The following RAI14 variants were observed in gnomAD, a reference collection of about 807,000 sequenced individuals.
The protein encoded by RAI14 is retinoic acid induced 14.
A neutral mutation model predicts 115.4 loss-of-function variants in RAI14; 45 were observed. The ratio of observed to expected loss-of-function variants is 0.39; its 90% CI spans 0.31 to 0.50. The LOEUF is 0.50. Among genes scored for constraint, RAI14 ranks in the 20% least tolerant of loss-of-function variants. The pLI is 0.85. For synonymous variants in RAI14, 371 were observed against 415.4 expected (o/e 0.89, Z 1.30); for missense variants, 939 against 1,131.2 (o/e 0.83, Z 2.44).
intron 3 of RAI14, among the ~76,000 whole-genome samples, chr5:34,778,837 G>C (rs960315035): frequency 6.6e-6 from 1 of 151,418 alleles, no homozygotes; most frequent in African/African-American, 2.4e-5. Context: ...GTCTTTGAAA[G>C]GAAAGCCCAC....
chr5:34,774,078 C>T (rs375071668), intron 3 of RAI14, among the ~76,000 whole-genome samples: 17 of 152,098 alleles, frequency 1.1e-4, no homozygotes, highest in Admixed American at 6.6e-4. Flanking sequence ...CAAGCCTGGG[C>T]GCAGTGGCCC....
intron 4 of RAI14, 63 bp downstream of exon 4, chr5:34,796,090 A>G (rs1753495131): frequency 2.3e-6 from 3 of 1,329,736 alleles, no homozygotes; most frequent in Non-Finnish European, 3.2e-6. Context: ...AAAAAGTAAT[A>G]CATATTCATT....
chr5:34,676,526 C>A (rs550827585), intron 1 of RAI14, among the ~76,000 whole-genome samples: 19 of 152,008 alleles, frequency 1.2e-4, no homozygotes, highest in Non-Finnish European at 2.6e-4. Context: ...CAGGAGGTAA[C>A]CTTGGGACTT....
intron 2 of RAI14, among the ~76,000 whole-genome samples, chr5:34,721,585 A>C (rs1742762102): frequency 1.3e-5 from 2 of 152,134 alleles, no homozygotes; most frequent in African/African-American, 2.4e-5. Context: ...GATATTGTTC[A>C]TGTGGCAAAT....
In RAI14 at chr5:34,709,404, T is replaced by C. The variant is rs143000199; in HGVS notation, c.36+22449T>C. On this transcript the variant is annotated intron_variant, in intron 2 of 17. Coordinates refer to ENST00000265109, the MANE Select transcript of RAI14 (RefSeq NM_015577.3). Reference sequence around the variant, plus strand: ...CGGAGGTTGCAGTGAGCTGAGATCATGCCACTGCACTCCAGCCTGGGCCAC... The same window carrying C: ...CGGAGGTTGCAGTGAGCTGAGATCACGCCACTGCACTCCAGCCTGGGCCAC... Among the ~76,000 whole-genome samples the C allele has an allele frequency of 4.0e-3, 602 of 152,254 alleles. 9 individuals are homozygous for C. The highest frequency in any genetic ancestry group is 0.014 in the African/African-American group (575 of 41,556).
intron 3 of RAI14, among the ~76,000 whole-genome samples, chr5:34,784,752 G>A (rs1477841134): frequency 1.3e-5 from 2 of 152,190 alleles, no homozygotes; most frequent in Non-Finnish European, 2.9e-5. Context: ...TTATAGACTT[G>A]CTTTTCGATT....
At chr5:34,668,178 G>A (rs1388453340) in intron 1 of RAI14, among the ~76,000 whole-genome samples, 1 of 152,150 alleles carries the variant, frequency 6.6e-6, no homozygotes, top group Non-Finnish European at 1.5e-5. Context: ...TGGATCACTT[G>A]AGGTCAGGAG....
At chr5:34,761,299 G>T (rs564455148) in intron 3 of RAI14, among the ~76,000 whole-genome samples, 1 of 152,324 alleles carries the variant, frequency 6.6e-6, no homozygotes, top group South Asian at 2.1e-4. Flanking sequence ...TGATCCTCCT[G>T]CCTCAGCCTC....
intron 2 of RAI14, among the ~76,000 whole-genome samples, chr5:34,740,696 C>T (rs1380200555): frequency 2.6e-5 from 4 of 152,152 alleles, no homozygotes; most frequent in Non-Finnish European, 5.9e-5. Context: ...AAGCCCAGAC[C>T]AGACTGATAC....
At position 34,822,994 on chromosome 5, in the gene RAI14, T is replaced by A; in HGVS notation, c.1152T>A (p.Phe384Leu). 1.2e-6 allele frequency: 2 copies of A among 1,614,004 alleles called. No homozygotes were observed. ...SPKEAEADLS[F>L]DSYHSTQTDL... ...AGGAGGCGGAAGCAGACCTAAGCTT[T>A]GACTCATACCATTCCACCCAAACTG... Residue 384 changes from phenylalanine to leucine, a missense_variant, in exon 15 of 18, where the codon TTT becomes TTA. Phe to Leu is a conservative substitution (Grantham distance 22). Transcript: ENST00000265109.
intron 1 of RAI14, among the ~76,000 whole-genome samples, chr5:34,683,737 T>C (rs1744562788): frequency 2.0e-5 from 3 of 152,084 alleles, no homozygotes; most frequent in Non-Finnish European, 4.4e-5. Flanking sequence ...CCCACCTTTT[T>C]TTTTTTTTGA....
At chr5:34,779,392 GAAAT>G (rs754070867) in intron 3 of RAI14, among the ~76,000 whole-genome samples, 2 of 152,164 alleles carry the variant, frequency 1.3e-5, no homozygotes, top group Non-Finnish European at 2.9e-5. Context: ...GCAGGAGAAA[GAAAT>G]AAAAGGTATT....
At position 34,669,802 on chromosome 5, in the gene RAI14, A is replaced by G. The variant is rs372587018; in HGVS notation, c.-49+13327A>G. 1.4e-4 allele frequency among the ~76,000 whole-genome samples: 22 copies of G among 152,348 alleles called. 1 individual carries two copies. In the South Asian group the frequency reaches 2.3e-3, roughly 16 times the overall value. The stretch of plus-strand genomic sequence containing the variant: ...GTTAGAGAAGTACATAAGTATCTAA[A>G]CGTTCTGCTTTTCCAAATTGTTGCC... On this transcript the variant is annotated intron_variant, in intron 1 of 17. Transcript: ENST00000265109.
chr5:34,762,158 C>A (rs1379523698), intron 3 of RAI14, among the ~76,000 whole-genome samples: 1 of 152,100 alleles, frequency 6.6e-6, no homozygotes, highest in Non-Finnish European at 1.5e-5. Flanking sequence ...AGAAAACATT[C>A]TTTTTTTGCT....
At chr5:34,752,701 A>ATG (rs764853413) in intron 2 of RAI14, among the ~76,000 whole-genome samples, 1,622 of 89,940 alleles carry the variant, frequency 0.018, 47 homozygotes, top group Admixed American at 0.023. Context: ...TTTCTTACAT[A>ATG]TATGTGTGTG....
At position 34,690,377 on chromosome 5, in the gene RAI14, C is replaced by T. The variant is rs368725101; in HGVS notation, c.36+3422C>T. Among the ~76,000 whole-genome samples the T allele has an allele frequency of 4.8e-4, 73 of 152,244 alleles. No individual in the cohort carries two copies. In the South Asian group the frequency reaches 0.012, roughly 25 times the overall value. On this transcript the variant is annotated intron_variant, in intron 2 of 17. Coordinates refer to ENST00000265109, the MANE Select transcript of RAI14 (RefSeq NM_015577.3). ...AAGATAATAGCAGATCAGGTTCTCGCGCTTGCATAAAGAAGACAGGTGACC... is the reference window on the plus strand; with the variant it reads ...AAGATAATAGCAGATCAGGTTCTCGTGCTTGCATAAAGAAGACAGGTGACC...
chr5:34,779,463 T>C, intron 3 of RAI14, among the ~76,000 whole-genome samples: 1 of 152,162 alleles, frequency 6.6e-6, no homozygotes, highest in Admixed American at 6.5e-5. Flanking sequence ...TGATTGTATA[T>C]CTAGAAAACC....
At chr5:34,789,488 C>T (rs1752684497) in intron 3 of RAI14, among the ~76,000 whole-genome samples, 1 of 152,168 alleles carries the variant, frequency 6.6e-6, no homozygotes, top group South Asian at 2.1e-4. Flanking sequence ...CAAGTGTGGG[C>T]GTTAGACAAG....
chr5:34,762,756 C>T (rs911637584), intron 3 of RAI14, among the ~76,000 whole-genome samples: 14 of 152,150 alleles, frequency 9.2e-5, no homozygotes, highest in Middle Eastern at 3.4e-3. Context: ...AACCTCTTAC[C>T]GTAGAAGAGT....
Sources: allele counts gnomAD v4.1 joint callset (sites outside exome capture counted in the v4.1 genomes callset), GRCh38; gene constraint gnomAD v4.1.1; transcripts MANE v1.5; gene names NCBI Gene and HGNC (gene_info 2026-07-23, HGNC 2026-07-21).